DPYS: variants seen among roughly 807,000 people sequenced by gnomAD.
DPYS encodes dihydropyrimidine amidohydrolase.
DPYS carries 39 observed loss-of-function variants against 50.3 expected under a neutral mutation model. The ratio of observed to expected loss-of-function variants is 0.78; its 90% confidence interval spans 0.60 to 1.01. The LOEUF (loss-of-function observed/expected upper bound fraction) is 1.01, where lower values mean the gene tolerates loss of function less well. DPYS is among the 50% of genes least tolerant of loss of function. The pLI is 0.00. For missense variants in DPYS, 659 were observed against 680.9 expected (o/e 0.97, Z 0.36); for synonymous variants, 245 against 250.7 (o/e 0.98, Z 0.22).
At chr8:104,399,309 AAC>A (rs202110022) in intron 7 of DPYS, among the ~76,000 whole-genome samples, 1 of 35,794 alleles carries the variant, frequency 2.8e-5, no homozygotes, top group Non-Finnish European at 1.1e-4. Flanking sequence ...AAAAAAAAAA[AAC>A]AACAACAAAA....
chr8:104,409,207 G>A lies in DPYS; in HGVS notation c.1235+15040C>T, dbSNP rs115399722. Reference sequence around the variant, plus strand: ...AGTCACAAACTAAATGTGCAGGGCCGGGCACAGTGGCTCATGCCTATAATC... The same window carrying A: ...AGTCACAAACTAAATGTGCAGGGCCAGGCACAGTGGCTCATGCCTATAATC... On this transcript the variant is annotated intron_variant, in intron 7 of 9. Transcript: ENST00000351513. 3.1e-3 allele frequency among the ~76,000 whole-genome samples: 472 copies of A among 151,972 alleles called. 3 individuals carry two copies. The highest frequency in any genetic ancestry group is 7.2e-3 in the African/African-American group (297 of 41,490).
In DPYS at chr8:104,428,137, C is replaced by A; in HGVS notation, c.951-16G>T. The A allele has an allele frequency of 1.2e-6, 2 of 1,614,188 alleles. No homozygotes were observed. Among genetic ancestry groups the A allele is most frequent in the Non-Finnish European group, 1.7e-6 (2 of 1,180,008 alleles). On this transcript the variant is annotated splice_polypyrimidine_tract_variant and intron_variant, in intron 5 of 9. Transcript: ENST00000351513. The stretch of plus-strand genomic sequence containing the variant: ...TAGATCATCACTGTAAAAGAAAAAA[C>A]ACGAGAGTGATGGGGTGAGTATACA...
chr8:104,414,006 C>T (rs1363115575), intron 7 of DPYS, among the ~76,000 whole-genome samples: 1 of 152,122 alleles, frequency 6.6e-6, no homozygotes, highest in African/African-American at 2.4e-5. Context: ...TACTGGGAGC[C>T]AGTAACTTTC....
At chr8:104,431,454 A>G (rs1223078525) in intron 4 of DPYS, among the ~76,000 whole-genome samples, 4 of 151,294 alleles carry the variant, frequency 2.6e-5, no homozygotes, top group African/African-American at 9.7e-5. Context: ...GTTAATATCC[A>G]AAATAAAATT....
intron 8 of DPYS, among the ~76,000 whole-genome samples, chr8:104,385,993 T>C (rs1451228327): frequency 2.0e-5 from 3 of 152,200 alleles, no homozygotes; most frequent in Non-Finnish European, 2.9e-5. Flanking sequence ...ACAAAAGACA[T>C]AGGTGGCACC....
chr8:104,448,849 A>T (rs1200307223), intron 2 of DPYS, among the ~76,000 whole-genome samples: 1 of 152,172 alleles, frequency 6.6e-6, no homozygotes, highest in Non-Finnish European at 1.5e-5. Context: ...ACCACTGTTT[A>T]TTCCCTTGGA....
chr8:104,397,960 C>A (rs944217742), intron 7 of DPYS, among the ~76,000 whole-genome samples: 2 of 152,206 alleles, frequency 1.3e-5, no homozygotes, highest in African/African-American at 4.8e-5. Flanking sequence ...CAGATCACTA[C>A]CAAACAGTGT....
At chr8:104,392,689 T>A (rs764029666) in intron 8 of DPYS, 95 bp downstream of exon 8, 51 of 1,440,388 alleles carry the variant, frequency 3.5e-5, no homozygotes, top group Non-Finnish European at 4.9e-5. Flanking sequence ...CCAAGTGTGA[T>A]GTGTCAACAC....
At position 104,434,167 on chromosome 8, in the gene DPYS, C is replaced by A. The variant is rs58154264; in HGVS notation, c.794-4466G>T. On this transcript the variant is annotated intron_variant, in intron 4 of 9. Transcript: ENST00000351513. ...GGGCTTCCTGGTTATAGGTAGATGT[C>A]AAATTTTCTGATTGGCAATTGGTTG... is the stretch of plus-strand genomic sequence containing the variant. Among the ~76,000 whole-genome samples, 482 of 152,320 alleles carry A rather than the reference C, an allele frequency of 3.2e-3. 3 individuals carry two copies. Among genetic ancestry groups the A allele is most frequent in the African/African-American group, 9.1e-3 (378 of 41,570 alleles).
chr8:104,379,514 A>T lies in DPYS; in HGVS notation c.*344T>A, dbSNP rs73699419. 0.02 allele frequency: 3,417 copies of T among 168,800 alleles called. 124 individuals carry two copies. The highest frequency in any genetic ancestry group is 0.074 in the African/African-American group (3,061 of 41,368). 10.5% of individuals were successfully genotyped at this position (168,800 alleles called of 1,614,324 possible). A position where few individuals can be genotyped will look rare whatever the true frequency, so the allele number is the denominator to read the frequency against. On this transcript the variant is annotated 3_prime_UTR_variant, in exon 10 of 10. Transcript: ENST00000351513. Reference sequence around the variant, plus strand: ...TTAAAACTAATGTAACCATTTTTTTAAAAAAAGAAACTATTTAAACAAGAA... The same window carrying T: ...TTAAAACTAATGTAACCATTTTTTTTAAAAAAGAAACTATTTAAACAAGAA...
At chr8:104,464,377 A>G (rs1814275932) in intron 1 of DPYS, among the ~76,000 whole-genome samples, 2 of 152,194 alleles carry the variant, frequency 1.3e-5, no homozygotes, top group South Asian at 4.1e-4. Context: ...AAAGAGAGGG[A>G]ATGCCCCTCC....
chr8:104,381,116 T>C, intron 9 of DPYS, 68 bp downstream of exon 9: 1 of 1,330,994 alleles, frequency 7.5e-7, no homozygotes, highest in Non-Finnish European at 1.1e-6. Context: ...TCTTCAACCC[T>C]TATGAGGAGA....
intron 1 of DPYS, among the ~76,000 whole-genome samples, chr8:104,465,345 C>CTATA: frequency 6.6e-6 from 1 of 152,074 alleles, no homozygotes; most frequent in East Asian, 1.9e-4. Context: ...AGGAAGCCTA[C>CTATA]TATACACTGG....
intron 4 of DPYS, among the ~76,000 whole-genome samples, chr8:104,441,528 G>A (rs1813356715): frequency 6.6e-6 from 1 of 152,214 alleles, no homozygotes; most frequent in South Asian, 2.1e-4. Context: ...AAGTGAAAGA[G>A]AGAGGCAAAG....
chr8:104,452,721 G>A (rs1212151046), intron 1 of DPYS, among the ~76,000 whole-genome samples: 3 of 152,132 alleles, frequency 2.0e-5, no homozygotes, highest in Admixed American at 1.3e-4. Flanking sequence ...TGCGCCTGCA[G>A]TCCTAGCTAC....
intron 8 of DPYS, among the ~76,000 whole-genome samples, chr8:104,386,538 A>G (rs1473672655): frequency 1.3e-5 from 2 of 151,732 alleles, no homozygotes; most frequent in Non-Finnish European, 2.9e-5. Context: ...TAAAAAAAAA[A>G]AAAGAAAAGA....
At chr8:104,448,314 C>T (rs1446452542) in intron 2 of DPYS, among the ~76,000 whole-genome samples, 1 of 152,074 alleles carries the variant, frequency 6.6e-6, no homozygotes, top group Non-Finnish European at 1.5e-5. Flanking sequence ...CACCACCATG[C>T]CCAGCTAATT....
intron 7 of DPYS, among the ~76,000 whole-genome samples, chr8:104,409,768 C>T (rs1812112396): frequency 6.6e-6 from 1 of 152,192 alleles, no homozygotes; most frequent in Admixed American, 6.5e-5. Flanking sequence ...AAGGCATTAA[C>T]TCTTCTCAAC....
At chr8:104,404,821 A>T (rs1811939169) in intron 7 of DPYS, among the ~76,000 whole-genome samples, 1 of 152,290 alleles carries the variant, frequency 6.6e-6, no homozygotes, top group Non-Finnish European at 1.5e-5. Context: ...ACAACAGCAG[A>T]GTTGAGTACT....
Sources: gnomAD v4.1 joint callset for allele counts (sites outside exome capture counted in the v4.1 genomes callset) on GRCh38, gnomAD v4.1.1 for gene constraint, MANE v1.5 for transcripts, NCBI Gene and HGNC (gene_info 2026-07-23, HGNC 2026-07-21) for gene names.